Variants in ROBO2 observed in about 807,000 individuals in gnomAD.
ROBO2 encodes the protein roundabout homolog 2.
Under a neutral mutation model 160.8 loss-of-function variants are expected in ROBO2, and 53 were observed. The observed-to-expected ratio is 0.33, with a 90% CI of 0.26 to 0.41. The LOEUF is 0.41. Among genes scored for constraint, ROBO2 ranks in the 10% least tolerant of loss-of-function variants. The pLI, the probability that ROBO2 is intolerant of heterozygous loss-of-function variation, is 1.00. For missense variants in ROBO2, 1,577 were observed against 1,722.4 expected (o/e 0.92, Z 1.49); for synonymous variants, 664 against 611.7 (o/e 1.09, Z -1.26).
intron 2 of ROBO2, among the ~76,000 whole-genome samples, chr3:76,403,669 C>A (rs2077977513): frequency 6.6e-6 from 1 of 151,550 alleles, no homozygotes. Flanking sequence ...TAAGCACTGG[C>A]AGAGTCTGTA....
At chr3:76,562,147 T>C (rs1283229956) in intron 2 of ROBO2, among the ~76,000 whole-genome samples, 7 of 151,712 alleles carry the variant, frequency 4.6e-5, no homozygotes, top group Non-Finnish European at 1.0e-4. Flanking sequence ...ACATTTCCAG[T>C]TCTAGATTCA....
At position 76,561,862 on chromosome 3, in the gene ROBO2, T is replaced by C. The variant is rs115183804; in HGVS notation, c.110-536152T>C. 2.3e-3 allele frequency among the ~76,000 whole-genome samples: 348 copies of C among 152,298 alleles called. 3 individuals carry two copies. Among genetic ancestry groups the C allele is most frequent in the African/African-American group, 7.9e-3 (330 of 41,582 alleles). ...CTTTTCTCCGTGCTATTCATCCACT[T>C]GAATATCTGCATAAGCCAATCCTCA... On this transcript the variant is annotated intron_variant, in intron 2 of 26. Coordinates refer to the ROBO2 transcript ENST00000487694.
chr3:76,910,280 T>G (rs545204986), intron 2 of ROBO2, among the ~76,000 whole-genome samples: 1 of 152,326 alleles, frequency 6.6e-6, no homozygotes, highest in Admixed American at 6.5e-5. Flanking sequence ...TAAAAAAAAC[T>G]AATACATCCT....
At chr3:76,734,699 C>T (rs2093683177) in intron 2 of ROBO2, among the ~76,000 whole-genome samples, 1 of 152,156 alleles carries the variant, frequency 6.6e-6, no homozygotes, top group African/African-American at 2.4e-5. Flanking sequence ...CTCCCAGACT[C>T]TTCAATAACT....
chr3:76,754,178 C>T (rs2060835499), intron 2 of ROBO2, among the ~76,000 whole-genome samples: 1 of 151,764 alleles, frequency 6.6e-6, no homozygotes. Context: ...GCTGGCTTTC[C>T]TTTTGGGCAG....
At chr3:77,364,693 TA>T (rs1168683845) in intron 2 of ROBO2, among the ~76,000 whole-genome samples, 1 of 152,174 alleles carries the variant, frequency 6.6e-6, no homozygotes, top group African/African-American at 2.4e-5. Flanking sequence ...ACATAAGAAG[TA>T]ACTGTTATGC....
At chr3:76,434,321 C>G (rs2109043572) in intron 2 of ROBO2, 1 of 1,155,872 alleles carries the variant, frequency 8.7e-7, no homozygotes, top group Non-Finnish European at 1.3e-6. Context: ...TGGCACCCAT[C>G]TCAGAGCAGA....
At chr3:76,863,776 A>G (rs941992580) in intron 2 of ROBO2, among the ~76,000 whole-genome samples, 3 of 152,080 alleles carry the variant, frequency 2.0e-5, no homozygotes, top group East Asian at 3.8e-4. Flanking sequence ...ATGTGTGACT[A>G]TAAAGACAAT....
At chr3:75,974,954 C>T (rs956733678) in intron 2 of ROBO2, among the ~76,000 whole-genome samples, 7 of 150,948 alleles carry the variant, frequency 4.6e-5, no homozygotes, top group African/African-American at 1.5e-4. Context: ...TTATTTTTGT[C>T]GGGCTATAAC....
At chr3:76,998,371 G>T (rs1280141990) in intron 2 of ROBO2, among the ~76,000 whole-genome samples, 1 of 151,960 alleles carries the variant, frequency 6.6e-6, no homozygotes, top group Non-Finnish European at 1.5e-5. Flanking sequence ...AAAGAGAGAA[G>T]TTGAAAGTAC....
At chr3:76,925,395 T>C (rs1162297235) in intron 2 of ROBO2, among the ~76,000 whole-genome samples, 1 of 152,142 alleles carries the variant, frequency 6.6e-6, no homozygotes, top group Non-Finnish European at 1.5e-5. Flanking sequence ...GGAAAATATT[T>C]TTCCAAAATT....
At chr3:76,616,651 C>T (rs576476240) in intron 2 of ROBO2, among the ~76,000 whole-genome samples, 11 of 152,306 alleles carry the variant, frequency 7.2e-5, no homozygotes, top group East Asian at 5.8e-4. Flanking sequence ...AGGAGTCACA[C>T]GAACTGTGCT....
chr3:76,216,962 C>G (rs955845423), intron 2 of ROBO2, among the ~76,000 whole-genome samples: 5 of 152,138 alleles, frequency 3.3e-5, no homozygotes, highest in Admixed American at 3.3e-4. Flanking sequence ...CAAACTATCT[C>G]TCAGACCACA....
chr3:76,896,094 C>T (rs12487134), intron 2 of ROBO2, among the ~76,000 whole-genome samples: 7,420 of 152,166 alleles, frequency 0.049, 245 homozygotes, highest in South Asian at 0.14. Flanking sequence ...GTGTCTCCTC[C>T]GCCTCTGGCA....
intron 2 of ROBO2, among the ~76,000 whole-genome samples, chr3:76,889,556 A>G (rs985044643): frequency 1.3e-5 from 2 of 152,234 alleles, no homozygotes; most frequent in Admixed American, 1.3e-4. Context: ...GCTCCATTTC[A>G]TAGTGATAAC....
chr3:76,489,395 G>A (rs2079690000), intron 2 of ROBO2, among the ~76,000 whole-genome samples: 1 of 152,044 alleles, frequency 6.6e-6, no homozygotes, highest in African/African-American at 2.4e-5. Flanking sequence ...GATCCCAATA[G>A]CCTGAGCAAG....
intron 2 of ROBO2, among the ~76,000 whole-genome samples, chr3:76,232,694 A>G (rs1417759435): frequency 1.3e-5 from 2 of 152,188 alleles, no homozygotes; most frequent in Non-Finnish European, 2.9e-5. Flanking sequence ...TATCAATGCT[A>G]TTTAACCCTT....
At chr3:76,041,096 T>C (rs1240713526) in intron 2 of ROBO2, among the ~76,000 whole-genome samples, 1 of 152,106 alleles carries the variant, frequency 6.6e-6, no homozygotes, top group African/African-American at 2.4e-5. Context: ...CAATCTTTAC[T>C]AGGATTTCAA....
chr3:76,826,880 T>C (rs1482261610), intron 2 of ROBO2, among the ~76,000 whole-genome samples: 1 of 152,176 alleles, frequency 6.6e-6, no homozygotes, highest in Non-Finnish European at 1.5e-5. Context: ...GAAACAGCTG[T>C]CCCTTGTTAT....
Sources: allele counts gnomAD v4.1 joint callset (sites outside exome capture counted in the v4.1 genomes callset), GRCh38; gene constraint gnomAD v4.1.1; transcripts MANE v1.5; gene names NCBI Gene and HGNC (gene_info 2026-07-23, HGNC 2026-07-21).